SGCZ: variants seen among roughly 807,000 people sequenced by gnomAD.
The protein encoded by SGCZ is zeta-sarcoglycan.
In SGCZ, 40 loss-of-function variants were observed where a neutral mutation model predicts 41.3. The ratio of observed to expected loss-of-function variants is 0.97; its 90% confidence interval spans 0.75 to 1.26. The LOEUF is 1.26. Among genes scored for constraint, SGCZ ranks in the 50% most tolerant of loss-of-function variants. The pLI is 0.00. For synonymous variants in SGCZ, 206 were observed against 137.5 expected, an observed-to-expected ratio of 1.50 and a Z score of -3.49; for missense variants, 552 against 369.8, an observed-to-expected ratio of 1.49 and a Z score of -4.04.
intron 2 of SGCZ, among the ~76,000 whole-genome samples, chr8:14,447,533 A>G (rs1800466984): frequency 6.6e-6 from 1 of 152,196 alleles, no homozygotes; most frequent in African/African-American, 2.4e-5. Flanking sequence ...AGGAGTCAGT[A>G]GGAGACACCC....
intron 1 of SGCZ, among the ~76,000 whole-genome samples, chr8:14,967,608 T>C (rs910022848): frequency 2.6e-5 from 4 of 152,166 alleles, no homozygotes; most frequent in African/African-American, 9.7e-5. Context: ...CACTGTACTT[T>C]TCCATCCCAA....
intron 1 of SGCZ, among the ~76,000 whole-genome samples, chr8:15,080,277 C>T (rs1201569002): frequency 6.6e-6 from 1 of 151,944 alleles, no homozygotes; most frequent in Non-Finnish European, 1.5e-5. Flanking sequence ...CAATACTGCT[C>T]ACAATGCCTG....
At chr8:14,383,608 A>G (rs1271878137) in intron 2 of SGCZ, among the ~76,000 whole-genome samples, 1 of 152,244 alleles carries the variant, frequency 6.6e-6, no homozygotes, top group Non-Finnish European at 1.5e-5. Context: ...GGAGGTAAAG[A>G]TCACTTCACA....
At chr8:15,015,928 C>T (rs937768638) in intron 1 of SGCZ, among the ~76,000 whole-genome samples, 6 of 151,608 alleles carry the variant, frequency 4.0e-5, no homozygotes, top group Non-Finnish European at 7.4e-5. Context: ...TTTTTCATTT[C>T]CTTCTTTCCA....
intron 1 of SGCZ, among the ~76,000 whole-genome samples, chr8:14,671,519 A>G (rs945942462): frequency 6.6e-6 from 1 of 152,200 alleles, no homozygotes; most frequent in Non-Finnish European, 1.5e-5. Context: ...CACAAACACA[A>G]TTAAATTTCA....
chr8:14,516,126 T>C (rs1802613345), intron 2 of SGCZ, among the ~76,000 whole-genome samples: 1 of 151,742 alleles, frequency 6.6e-6, no homozygotes, highest in Non-Finnish European at 1.5e-5. Context: ...TTTTTCTATG[T>C]CTGTGGTTTT....
chr8:15,019,455 G>T (rs766009679), intron 1 of SGCZ, among the ~76,000 whole-genome samples: 2 of 152,128 alleles, frequency 1.3e-5, no homozygotes, highest in Admixed American at 6.5e-5. Context: ...AAATTGTGCA[G>T]CTCTCTTTCC....
intron 7 of SGCZ, among the ~76,000 whole-genome samples, chr8:14,096,573 G>C (rs1363633238): frequency 1.3e-5 from 2 of 152,124 alleles, no homozygotes; most frequent in South Asian, 4.1e-4. Context: ...TTCTTTTTTT[G>C]TTGTGTCTCT....
chr8:14,625,896 A>G (rs35853761), intron 1 of SGCZ, among the ~76,000 whole-genome samples: 43,134 of 152,090 alleles, frequency 0.28, 7,232 homozygotes, highest in East Asian at 0.63. Flanking sequence ...ATGAGAATTC[A>G]TGATAATCTG....
chr8:14,431,626 G>C (rs960578007), intron 2 of SGCZ, among the ~76,000 whole-genome samples: 5 of 152,104 alleles, frequency 3.3e-5, no homozygotes, highest in Non-Finnish European at 7.4e-5. Context: ...CATTGGCTTA[G>C]GCAGGAATTT....
intron 7 of SGCZ, among the ~76,000 whole-genome samples, chr8:14,091,178 A>T (rs1482640870): frequency 6.6e-6 from 1 of 150,546 alleles, no homozygotes; most frequent in East Asian, 2.0e-4. Flanking sequence ...ATCCTTTTTT[A>T]TGGCTGCATA....
At chr8:14,239,898 T>C (rs1292539117) in intron 3 of SGCZ, among the ~76,000 whole-genome samples, 1 of 10,194 alleles carries the variant, frequency 9.8e-5, no homozygotes, top group African/African-American at 1.4e-3. Flanking sequence ...CGAGACTCCG[T>C]CTCAAAAAAA....
intron 1 of SGCZ, among the ~76,000 whole-genome samples, chr8:14,752,837 A>G (rs1472502827): frequency 6.6e-6 from 1 of 152,178 alleles, no homozygotes; most frequent in Non-Finnish European, 1.5e-5. Flanking sequence ...TATTGGAAAA[A>G]CAGCTTATGC....
At chr8:14,341,213 T>C (rs1476501790) in intron 2 of SGCZ, among the ~76,000 whole-genome samples, 6 of 152,252 alleles carry the variant, frequency 3.9e-5, no homozygotes, top group Non-Finnish European at 7.3e-5. Flanking sequence ...CATTTGAATA[T>C]TGTGAATAAC....
chr8:14,325,623 G>C (rs1444719019), intron 2 of SGCZ, among the ~76,000 whole-genome samples: 1 of 144,186 alleles, frequency 6.9e-6, no homozygotes, highest in Non-Finnish European at 1.5e-5. Context: ...ATATATAGTT[G>C]ATCATGTATA....
intron 1 of SGCZ, among the ~76,000 whole-genome samples, chr8:14,626,106 G>C (rs1243684453): frequency 6.6e-6 from 1 of 152,062 alleles, no homozygotes; most frequent in Non-Finnish European, 1.5e-5. Flanking sequence ...ACATAACACA[G>C]AGTTATATCT....
intron 1 of SGCZ, among the ~76,000 whole-genome samples, chr8:14,938,191 A>C (rs545305134): frequency 6.6e-6 from 1 of 152,318 alleles, no homozygotes; most frequent in Admixed American, 6.5e-5. Flanking sequence ...ATCTACTTTT[A>C]TACTGTAGCT....
chr8:14,740,385 G>A (rs1173270498), intron 1 of SGCZ, among the ~76,000 whole-genome samples: 1 of 151,966 alleles, frequency 6.6e-6, no homozygotes, highest in African/African-American at 2.4e-5. Flanking sequence ...GTAGGGGTGT[G>A]TGTGTGTTTT....
rs78230755 is a variant in SGCZ at position 14,990,021 on chromosome 8, T to A, written c.39+247564A>T. Among the ~76,000 whole-genome samples, 1,305 of 152,262 alleles carry A rather than the reference T, an allele frequency of 8.6e-3. 28 individuals carry two copies. The highest frequency in any genetic ancestry group is 0.029 in the African/African-American group (1,220 of 41,554). ...AATAAAATAGCTGCCTACATTTTAA[T>A]TGTAAGCACTTTCCTTTGTTATTTG... is the stretch of plus-strand genomic sequence containing the variant. On this transcript the variant is annotated intron_variant, in intron 1 of 7. Transcript: ENST00000382080.
Sources: gnomAD v4.1 joint callset for allele counts (sites outside exome capture counted in the v4.1 genomes callset) on GRCh38, gnomAD v4.1.1 for gene constraint, MANE v1.5 for transcripts, NCBI Gene and HGNC (gene_info 2026-07-23, HGNC 2026-07-21) for gene names.